Variants in ZNF467 observed in about 807,000 individuals in gnomAD.
ZNF467 encodes zinc finger protein EZI.
Under a neutral mutation model 47.8 loss-of-function variants are expected in ZNF467, and 51 were observed. The ratio of observed to expected loss-of-function variants is 1.07; its 90% CI spans 0.85 to 1.35. ZNF467 has a LOEUF of 1.35. Ranked by LOEUF, ZNF467 falls within the 40% of genes most tolerant of loss-of-function variation. The pLI is 0.00. For synonymous variants in ZNF467, 416 were observed against 372.9 expected, an observed-to-expected ratio of 1.12 and a Z score of -1.33; for missense variants, 992 against 858.1, an observed-to-expected ratio of 1.16 and a Z score of -1.95.
In ZNF467 at chr7:149,769,430, G is replaced by A. The variant is rs975305302; in HGVS notation, c.152-230C>T. ...GGGTATGTAATGAGATGGACTACAAGGTTACAAGAGCCACCACTGTGAAGA... is the reference window on the plus strand; with the variant it reads ...GGGTATGTAATGAGATGGACTACAAAGTTACAAGAGCCACCACTGTGAAGA... On this transcript the variant is annotated intron_variant, in intron 3 of 4. Coordinates refer to ENST00000302017, the MANE Select transcript of ZNF467 (RefSeq NM_207336.3). The surrounding 1 kb of genome is among the most constrained non-coding windows in gnomAD (Gnocchi z 5.3). Among the ~76,000 whole-genome samples, 1 of 152,116 alleles carries A rather than the reference G, an allele frequency of 6.6e-6. No homozygotes were observed. Among genetic ancestry groups the A allele is most frequent in the Admixed American group, 6.5e-5 (1 of 15,278 alleles).
chr7:149,770,219 A>C (rs778051276), intron 3 of ZNF467, among the ~76,000 whole-genome samples: 1 of 152,098 alleles, frequency 6.6e-6, no homozygotes, highest in Non-Finnish European at 1.5e-5. Context: ...AAGCTCTTGA[A>C]GGTAGGGATC....
upstream of ZNF467, among the ~76,000 whole-genome samples, chr7:149,773,877 G>A (rs924329145): frequency 1.3e-5 from 2 of 152,110 alleles, no homozygotes. Context: ...CTGGAGTCCC[G>A]AGGACCCGAT....
chr7:149,770,849 A>C (rs963967801), intron 2 of ZNF467, 150 bp downstream of exon 2: 5 of 919,004 alleles, frequency 5.4e-6, no homozygotes, highest in African/African-American at 5.0e-5. Flanking sequence ...AGGCATTCAG[A>C]CACCCCGTGC....
At chr7:149,776,343 C>T (rs141128321), upstream of ZNF467, 12,088 of 1,359,718 alleles carry the variant, frequency 8.9e-3, 92 homozygotes, top group Middle Eastern at 0.012. Flanking sequence ...CCATCATGGG[C>T]AGGCGGTGGT....
chr7:149,770,506 CTT>C lies in ZNF467; in HGVS notation c.83_84del (p.Glu28GlyfsTer4). 6 of 1,613,822 alleles carry C rather than the reference CTT, an allele frequency of 3.7e-6. No individual in the cohort carries two copies. The highest frequency in any genetic ancestry group is 5.1e-6 in the Non-Finnish European group (6 of 1,179,888). On this transcript the variant is annotated frameshift_variant, in exon 3 of 5. Coordinates refer to ENST00000302017, the MANE Select transcript of ZNF467 (RefSeq NM_207336.3). LOFTEE classifies it high-confidence loss of function. ...PEMAPQSEPR[E>X]GSHNAQEQMS... ...ATCTGCTCCTGGGCATTATGGGATC[CTT>C]CCCTGGGCTCACTTTGGGGGGCCAT... is the stretch of plus-strand genomic sequence containing the variant.
Position 149,764,212 on chromosome 7 carries a change from G to T in ZNF467, c.*502C>A. Reference sequence around the variant, plus strand: ...GAATAAATATATTACATTTTTATTTGGGAGAACCAATTAACAGCAGCTGGC... The same window carrying T: ...GAATAAATATATTACATTTTTATTTTGGAGAACCAATTAACAGCAGCTGGC... On this transcript the variant is annotated 3_prime_UTR_variant, in exon 5 of 5. Coordinates refer to ENST00000302017, the MANE Select transcript of ZNF467 (RefSeq NM_207336.3). The T allele has an allele frequency of 3.0e-6, 1 of 333,248 alleles. No homozygotes were observed. Among genetic ancestry groups the T allele is most frequent in the Admixed American group, 4.8e-5 (1 of 20,738 alleles). 20.6% of individuals were successfully genotyped at this position (333,248 alleles called of 1,614,324 possible).
intron 1 of ZNF467, among the ~76,000 whole-genome samples, chr7:149,771,512 C>A (rs2117460547): frequency 6.6e-6 from 1 of 152,252 alleles, no homozygotes; most frequent in Non-Finnish European, 1.5e-5. Context: ...GAAATAGGAG[C>A]CAGCCCAGGG....
At position 149,765,930 on chromosome 7, in the gene ZNF467, G is replaced by C. The variant is rs61745481; in HGVS notation, c.572C>G (p.Pro191Arg). 3,721 of 1,555,790 alleles carry C rather than the reference G, an allele frequency of 2.4e-3. 9 individuals are homozygous for C. The highest frequency in any genetic ancestry group is 3.1e-3 in the Non-Finnish European group (3,555 of 1,151,158). The change falls in exon 5 of 5, where the codon CCG (proline) becomes CGG (arginine). Residue 191 changes from proline (P) to arginine (R), a missense_variant. By Grantham distance (103) the Pro-to-Arg change is moderately radical. Coordinates refer to ENST00000302017, the MANE Select transcript of ZNF467 (RefSeq NM_207336.3). ...LHRGEGPCAC[P>R]DCGRSFTQRA... Reference sequence around the variant, plus strand: ...CTGCGTGAAGCTGCGGCCGCAGTCCGGGCAGGCGCAGGGGCCCTCGCCCCG... The same window carrying C: ...CTGCGTGAAGCTGCGGCCGCAGTCCCGGCAGGCGCAGGGGCCCTCGCCCCG...
chr7:149,773,901 C>G (rs948896285), upstream of ZNF467, among the ~76,000 whole-genome samples: 11 of 152,226 alleles, frequency 7.2e-5, no homozygotes, highest in Non-Finnish European at 1.5e-4. Context: ...AAACCAGCCG[C>G]GGGAGCCGTG....
rs751014477 is a variant in ZNF467 at position 149,765,200 on chromosome 7, C to G, written c.1302G>C (p.Pro434=). Residue 434 remains proline, a synonymous_variant, in exon 5 of 5, where the codon CCG becomes CCC. Transcript: ENST00000302017. ...APSGERSFFC[P]DCGRGFSHGQ... is the part of the protein sequence containing the mutation. ...CATGGGAGAAGCCGCGCCCGCAGTC[C>G]GGGCAGAAGAAGGACCGCTCGCCCG... 2.7e-6 allele frequency: 4 copies of G among 1,505,542 alleles called. No individual in the cohort carries two copies. Among genetic ancestry groups the G allele is most frequent in the Non-Finnish European group, 1.8e-6 (2 of 1,131,498 alleles). The allele number at this position is 1,505,542 out of a possible 1,614,324, so 93.3% of individuals were successfully genotyped here.
Position 149,765,762 on chromosome 7 carries a change from G to A in ZNF467, c.740C>T (p.Ala247Val). 6.2e-7 allele frequency: 1 copy of A among 1,612,746 alleles called. No individual in the cohort carries two copies. The highest frequency in any genetic ancestry group is 8.5e-7 in the Non-Finnish European group (1 of 1,179,562). ...CTGGCTGAAGCGCTTGCCGCACTCC[G>A]CGCACGGGTAGGGCCGCTCGCCCGT... is the stretch of plus-strand genomic sequence containing the variant. ...THTGERPYPC[A>V]ECGKRFSQKI... Residue 247 changes from alanine (A) to valine (V), a missense_variant, in exon 5 of 5, where the codon GCG becomes GTG. By Grantham distance (64) the Ala-to-Val change is moderately conservative (BLOSUM62 0). Transcript: ENST00000302017.
At chr7:149,773,832 TC>T (rs1799504600), upstream of ZNF467, among the ~76,000 whole-genome samples, 1 of 152,010 alleles carries the variant, frequency 6.6e-6, no homozygotes, top group East Asian at 1.9e-4. Flanking sequence ...CCACCCGGAT[TC>T]CACCCCGATC....
chr7:149,766,665 C>T (rs1799234586), intron 4 of ZNF467, among the ~76,000 whole-genome samples: 2 of 152,212 alleles, frequency 1.3e-5, no homozygotes, highest in Non-Finnish European at 2.9e-5. Context: ...CGCAGCTCAG[C>T]AGCTTTCTCA....
In ZNF467 at chr7:149,765,582, C is replaced by T. The variant is rs754078760; in HGVS notation, c.920G>A (p.Arg307His). ...ERPYQCAQCARSFTHKQHLVR... is the reference protein window; with the variant it reads ...ERPYQCAQCAHSFTHKQHLVR... ...CAAGTGCTGCTTGTGCGTGAAGCTGCGTGCGCACTGTGCGCACTGGTAGGG... is the reference window on the plus strand; with the variant it reads ...CAAGTGCTGCTTGTGCGTGAAGCTGTGTGCGCACTGTGCGCACTGGTAGGG... Residue 307 changes from arginine to histidine, a missense_variant, in exon 5 of 5, where the codon CGC becomes CAC. By Grantham distance (29) the Arg-to-His change is conservative. Transcript: ENST00000302017. 5.0e-6 allele frequency: 8 copies of T among 1,595,592 alleles called. No homozygotes were observed. The highest frequency in any genetic ancestry group is 1.1e-5 in the South Asian group (1 of 88,790).
chr7:149,766,845 A>C (rs1192915889), intron 4 of ZNF467, among the ~76,000 whole-genome samples: 1 of 152,188 alleles, frequency 6.6e-6, no homozygotes, highest in East Asian at 1.9e-4. Context: ...CCACGGAACC[A>C]GGGTACCCAC....
In ZNF467 at chr7:149,769,009, T is replaced by A; in HGVS notation, c.262+81A>T. On this transcript the variant is annotated intron_variant, in intron 4 of 4. Transcript: ENST00000302017. The surrounding 1 kb of genome is among the most constrained non-coding windows in gnomAD (Gnocchi z 5.3). Reference sequence around the variant, plus strand: ...CTGTCTTGGGGGATTACCTGCCTCATGAGATAGCAGCTCCGGAGCTTGCTG... The same window carrying A: ...CTGTCTTGGGGGATTACCTGCCTCAAGAGATAGCAGCTCCGGAGCTTGCTG... 4.0e-6 allele frequency: 5 copies of A among 1,248,988 alleles called. No individual in the cohort carries two copies. Among genetic ancestry groups the A allele is most frequent in the Non-Finnish European group, 5.5e-6 (5 of 916,264 alleles). 77.4% of individuals were successfully genotyped at this position (1,248,988 alleles called of 1,614,324 possible).
At position 149,765,987 on chromosome 7, in the gene ZNF467, T is replaced by A. The variant is rs1459586672; in HGVS notation, c.515A>T (p.Gln172Leu). Reference protein sequence around the residue: ...CGECERRFRDQLTLRLHQRLH... With the variant: ...CGECERRFRDLLTLRLHQRLH... The stretch of plus-strand genomic sequence containing the variant: ...CCGCTGGTGCAGTCGCAACGTCAGC[T>A]GGTCCCGGAAGCGCCGCTCACACTC... Residue 172 changes from glutamine (Q) to leucine (L), a missense_variant, in exon 5 of 5, where the codon CAG becomes CTG. Transcript: ENST00000302017. 1 of 1,557,058 alleles carries A rather than the reference T, an allele frequency of 6.4e-7. No individual in the cohort carries two copies. Among genetic ancestry groups the A allele is most frequent in the African/African-American group, 1.4e-5 (1 of 73,456 alleles).
chr7:149,770,381 G>A lies in ZNF467; in HGVS notation c.151+59C>T. The stretch of plus-strand genomic sequence containing the variant: ...AGGGAAGAAGGGAGAGAGGTAGGGA[G>A]GGCAGGAGGAAAGCAGGGGGACTCC... On this transcript the variant is annotated intron_variant, in intron 3 of 4. Coordinates refer to ENST00000302017, the MANE Select transcript of ZNF467 (RefSeq NM_207336.3). 9 of 1,207,104 alleles carry A rather than the reference G, an allele frequency of 7.5e-6. No homozygotes were observed. In the Admixed American group the frequency reaches 1.4e-4, roughly 18 times the overall value. 74.8% of individuals were successfully genotyped at this position (1,207,104 alleles called of 1,614,324 possible).
chr7:149,765,929 C>G lies in ZNF467; in HGVS notation c.573G>C (p.Pro191=), dbSNP rs866365936. The stretch of plus-strand genomic sequence containing the variant: ...GCTGCGTGAAGCTGCGGCCGCAGTC[C>G]GGGCAGGCGCAGGGGCCCTCGCCCC... ...LHRGEGPCAC[P]DCGRSFTQRA... Residue 191 remains proline, a synonymous_variant, in exon 5 of 5, where the codon CCG becomes CCC. Coordinates refer to ENST00000302017, the MANE Select transcript of ZNF467 (RefSeq NM_207336.3). 1.9e-4 allele frequency: 301 copies of G among 1,555,576 alleles called. 2 individuals carry two copies. In the Middle Eastern group the frequency reaches 2.4e-3, roughly 12 times the overall value.
Sources: gnomAD v4.1 joint callset for allele counts (sites outside exome capture counted in the v4.1 genomes callset) on GRCh38, gnomAD v4.1.1 for gene constraint, Gnocchi (gnomAD v3.1) non-coding constraint, MANE v1.5 for transcripts, NCBI Gene and HGNC (gene_info 2026-07-23, HGNC 2026-07-21) for gene names.